ERC1: variants seen among roughly 807,000 people sequenced by gnomAD.
ERC1 encodes ELKS/RAB6-interacting/CAST family member 1.
A neutral mutation model predicts 132.0 loss-of-function variants in ERC1; 56 were observed. The observed-to-expected ratio is 0.42, with a 90% CI of 0.34 to 0.53. The LOEUF is 0.53. Ranked by LOEUF, ERC1 falls within the 20% of genes least tolerant of loss-of-function variation. The pLI is 0.03. For missense variants in ERC1, 1,202 were observed against 1,349.9 expected, an observed-to-expected ratio of 0.89 and a Z score of 1.72; for synonymous variants, 478 against 476.1, an observed-to-expected ratio of 1.00 and a Z score of -0.05.
At chr12:1,400,560 A>G (rs867379283) in intron 16 of ERC1, among the ~76,000 whole-genome samples, 23 of 152,160 alleles carry the variant, frequency 1.5e-4, no homozygotes, top group African/African-American at 5.3e-4. Flanking sequence ...TAGCTCTTCC[A>G]TTTAGCTCTT....
chr12:1,446,622 A>G (rs561326556), intron 18 of ERC1, among the ~76,000 whole-genome samples: 1 of 152,320 alleles, frequency 6.6e-6, no homozygotes, highest in Non-Finnish European at 1.5e-5. Context: ...GTGGTGTGAT[A>G]TTAAAGATGA....
In ERC1 at chr12:1,001,474, C is replaced by G. The variant is rs117500212; in HGVS notation, c.-157+10152C>G. ...CATGATGTAGGTCAAGCACTAGGAC[C>G]TTACTGACATTCCACAAGCTTTCCT... is the stretch of plus-strand genomic sequence containing the variant. On this transcript the variant is annotated intron_variant, in intron 1 of 18. Transcript: ENST00000360905. Among the ~76,000 whole-genome samples the G allele has an allele frequency of 1.6e-3, 248 of 152,336 alleles. 2 individuals are homozygous for G. In the East Asian group the frequency reaches 0.041, roughly 25 times the overall value.
intron 18 of ERC1, among the ~76,000 whole-genome samples, chr12:1,449,661 G>A (rs968027946): frequency 5.3e-5 from 8 of 152,114 alleles, no homozygotes; most frequent in African/African-American, 1.9e-4. Flanking sequence ...ATAGCAGCGT[G>A]AGAATGGGCT....
intron 13 of ERC1, among the ~76,000 whole-genome samples, chr12:1,255,115 G>T (rs1296194224): frequency 1.3e-5 from 2 of 150,954 alleles, no homozygotes; most frequent in South Asian, 2.1e-4. Flanking sequence ...CCCCCAACAG[G>T]CCCCAGTGTG....
intron 7 of ERC1, among the ~76,000 whole-genome samples, chr12:1,120,534 A>T (rs568895951): frequency 4.6e-5 from 7 of 152,300 alleles, no homozygotes; most frequent in African/African-American, 1.7e-4. Context: ...CTTTTGATAT[A>T]TCATTTACAG....
intron 17 of ERC1, among the ~76,000 whole-genome samples, chr12:1,417,554 C>T (rs1411970128): frequency 1.3e-5 from 2 of 151,842 alleles, no homozygotes; most frequent in African/African-American, 4.8e-5. Flanking sequence ...CCCAGGCGGG[C>T]AGATCACCCT....
At chr12:1,244,672 C>A in intron 13 of ERC1, 1 of 393,780 alleles carries the variant, frequency 2.5e-6, no homozygotes, top group South Asian at 1.9e-5. Flanking sequence ...CAGGCGTGTG[C>A]CACCATGCCT....
intron 8 of ERC1, 22 bp downstream of exon 8, chr12:1,141,809 T>G (rs1949887579): frequency 6.5e-7 from 1 of 1,527,032 alleles, no homozygotes; most frequent in African/African-American, 1.4e-5. Flanking sequence ...GTGTTTCGAG[T>G]TCAGTGGCCC....
At chr12:1,377,051 T>C (rs1050036807) in intron 16 of ERC1, among the ~76,000 whole-genome samples, 35 of 152,244 alleles carry the variant, frequency 2.3e-4, no homozygotes, top group African/African-American at 8.0e-4. Flanking sequence ...TACTGTGTTA[T>C]GTGTATTTTA....
intron 3 of ERC1, among the ~76,000 whole-genome samples, chr12:1,102,847 T>A (rs937266138): frequency 2.0e-5 from 3 of 152,186 alleles, no homozygotes; most frequent in African/African-American, 7.2e-5. Context: ...AATTTTAAAA[T>A]AAGGTGTAGA....
rs544573864 is a variant in ERC1 at position 1,171,126 on chromosome 12, A to G, written c.1738-9414A>G. ...ACTATGAGAGAACAACACAACTGAC[A>G]GGGAAACCCAACCAAGGAAGTGTTA... On this transcript the variant is annotated intron_variant, in intron 8 of 18. Coordinates refer to ENST00000360905, the MANE Select transcript of ERC1 (RefSeq NM_178040.4). Among the ~76,000 whole-genome samples the G allele has an allele frequency of 6.6e-5, 10 of 152,344 alleles. No individual in the cohort carries two copies. In the East Asian group the frequency reaches 1.2e-3, roughly 18 times the overall value.
chr12:1,341,938 A>G (rs2083941120), intron 15 of ERC1, among the ~76,000 whole-genome samples: 1 of 152,176 alleles, frequency 6.6e-6, no homozygotes, highest in African/African-American at 2.4e-5. Context: ...GAAAAATAAG[A>G]ATTTCTTTTT....
intron 14 of ERC1, among the ~76,000 whole-genome samples, chr12:1,279,988 C>T (rs1020482645): frequency 1.3e-5 from 2 of 152,160 alleles, no homozygotes; most frequent in Non-Finnish European, 2.9e-5. Flanking sequence ...GCCACCGTGC[C>T]CGACCAGACA....
chr12:1,265,292 T>A (rs1594652370), intron 14 of ERC1, among the ~76,000 whole-genome samples: 1 of 151,788 alleles, frequency 6.6e-6, no homozygotes, highest in Non-Finnish European at 1.5e-5. Flanking sequence ...TCAGAGATCA[T>A]GCAGAGATTT....
At chr12:1,301,412 A>T (rs571993636) in intron 15 of ERC1, among the ~76,000 whole-genome samples, 172 of 152,360 alleles carry the variant, frequency 1.1e-3, no homozygotes, top group Non-Finnish European at 2.2e-3. Flanking sequence ...CATGGAATCA[A>T]CCTAAATGCT....
intron 17 of ERC1, among the ~76,000 whole-genome samples, chr12:1,425,984 G>A (rs981533757): frequency 7.9e-5 from 12 of 152,196 alleles, no homozygotes; most frequent in East Asian, 3.9e-4. Context: ...AAAGTAGTTT[G>A]TAAATCCATA....
rs144635612 is a variant in ERC1 at position 1,495,421 on chromosome 12, G to A, written c.*5191G>A. ...GTCAGGAAAGGAAGTGAACCCTACT[G>A]AAGCCAGAGAATTCACCCCGGCCAA... On this transcript the variant is annotated 3_prime_UTR_variant, in exon 19 of 19. Coordinates refer to ENST00000360905, the MANE Select transcript of ERC1 (RefSeq NM_178040.4). 12 of 228,388 alleles carry A rather than the reference G, an allele frequency of 5.3e-5. No individual in the cohort carries two copies. The highest frequency in any genetic ancestry group is 1.7e-4 in the Admixed American group (3 of 17,606). 14.1% of individuals were successfully genotyped at this position (228,388 alleles called of 1,614,324 possible). A position where few individuals can be genotyped will look rare whatever the true frequency, so the allele number is the denominator to read the frequency against.
In ERC1 at chr12:1,315,500, G is replaced by C. The variant is rs7316388; in HGVS notation, c.2780+25488G>C. 4.4e-3 allele frequency among the ~76,000 whole-genome samples: 667 copies of C among 151,934 alleles called. 6 individuals are homozygous for C. The highest frequency in any genetic ancestry group is 0.016 in the African/African-American group (646 of 41,446). ...CAAGTATCTGGGATTACAGGTGCCC[G>C]CCACAACGCCTAGCTAATTTTTGTA... On this transcript the variant is annotated intron_variant, in intron 15 of 18. Coordinates refer to ENST00000360905, the MANE Select transcript of ERC1 (RefSeq NM_178040.4).
intron 17 of ERC1, among the ~76,000 whole-genome samples, chr12:1,418,135 A>G (rs192691390): frequency 8.8e-4 from 134 of 152,302 alleles, no homozygotes; most frequent in African/African-American, 3.0e-3. Context: ...ATACATAGCT[A>G]GAAGGATTTT....
Sources: gnomAD v4.1 joint callset for allele counts (sites outside exome capture counted in the v4.1 genomes callset) on GRCh38, gnomAD v4.1.1 for gene constraint, MANE v1.5 for transcripts, NCBI Gene and HGNC (gene_info 2026-07-23, HGNC 2026-07-21) for gene names.